ETFA: variants seen among roughly 807,000 people sequenced by gnomAD.
The protein encoded by ETFA is electron transfer flavoprotein subunit alpha, also known as electron transfer flavoprotein subunit alpha, mitochondrial.
ETFA carries 22 observed loss-of-function variants against 46.2 expected under a neutral mutation model. The observed-to-expected ratio is 0.48, with a 90% CI of 0.34 to 0.68. ETFA has a LOEUF of 0.68. Among genes scored for constraint, ETFA ranks in the 30% least tolerant of loss-of-function variants. ETFA has a pLI of 0.01. For missense variants in ETFA, 345 were observed against 401.1 expected, an observed-to-expected ratio of 0.86 and a Z score of 1.19; for synonymous variants, 131 against 139.9, an observed-to-expected ratio of 0.94 and a Z score of 0.45.
At chr15:76,270,494 C>A (rs1270609929) in intron 9 of ETFA, among the ~76,000 whole-genome samples, 1 of 152,172 alleles carries the variant, frequency 6.6e-6, no homozygotes, top group Non-Finnish European at 1.5e-5. Flanking sequence ...TAGACATACA[C>A]ATGCCCACAC....
chr15:76,253,936 T>A (rs533694242), intron 9 of ETFA, among the ~76,000 whole-genome samples: 2 of 152,282 alleles, frequency 1.3e-5, no homozygotes, highest in Non-Finnish European at 2.9e-5. Context: ...AGACCAATCC[T>A]CCTGCTGAGA....
At chr15:76,231,085 C>A (rs2039062310) in intron 10 of ETFA, 1 of 475,190 alleles carries the variant, frequency 2.1e-6, no homozygotes, top group African/African-American at 2.0e-5. Flanking sequence ...GCAGACAGCA[C>A]TCATCATGCA....
chr15:76,259,312 G>A (rs564460726), intron 9 of ETFA: 617 of 1,591,904 alleles, frequency 3.9e-4, no homozygotes, highest in Non-Finnish European at 4.9e-4. Flanking sequence ...AGTTCCATTC[G>A]CAGACAAGTA....
intron 11 of ETFA, 56 bp downstream of exon 11, chr15:76,225,793 G>T: frequency 9.3e-7 from 1 of 1,074,300 alleles, no homozygotes; most frequent in South Asian, 1.2e-5. Flanking sequence ...AACCATTTCT[G>T]AGAGTTTCTC....
intron 1 of ETFA, among the ~76,000 whole-genome samples, 199 bp from the exon 2 acceptor site, chr15:76,295,936 C>CTTTTTTTTTTTTTTTTTGTTTTTT (rs2039816987): frequency 2.1e-5 from 1 of 46,602 alleles, no homozygotes; most frequent in African/African-American, 6.7e-5. Context: ...CACTAATATT[C>CTTTTTTTTTTTTTTTTTGTTTTTT]TTTTTTTTTT....
At chr15:76,281,844 A>T (rs1362643798) in intron 8 of ETFA, among the ~76,000 whole-genome samples, 3 of 146,638 alleles carry the variant, frequency 2.0e-5, no homozygotes, top group Admixed American at 6.8e-5. Context: ...GGATCTTGAG[A>T]GGGAGTTTAT....
At position 76,283,826 on chromosome 15, in the gene ETFA, C is replaced by A; in HGVS notation, c.665-1G>T. On this transcript the variant is annotated splice_acceptor_variant, in intron 7 of 11. Transcript: ENST00000557943. LOFTEE classifies it high-confidence loss of function. ...TTCTCTCCACTCTTCAAGCCTCGAC[C>A]TCATTTAAAAAGATGAAAAAAAAAA... 6.2e-7 allele frequency: 1 copy of A among 1,608,470 alleles called. No individual in the cohort carries two copies.
intron 4 of ETFA, among the ~76,000 whole-genome samples, chr15:76,290,857 T>C (rs1013467470): frequency 9.9e-5 from 15 of 152,208 alleles, no homozygotes; most frequent in Non-Finnish European, 1.8e-4. Context: ...CTCTGCACAC[T>C]GCTGTACTAC....
chr15:76,271,180 A>C (rs1462534830), intron 9 of ETFA, among the ~76,000 whole-genome samples: 9 of 152,118 alleles, frequency 5.9e-5, no homozygotes, highest in Admixed American at 5.9e-4. Flanking sequence ...AAAAAAAAAA[A>C]AAAAAAAAAA....
At chr15:76,269,493 A>T (rs1007203546) in intron 9 of ETFA, among the ~76,000 whole-genome samples, 4 of 151,972 alleles carry the variant, frequency 2.6e-5, no homozygotes, top group Non-Finnish European at 4.4e-5. Flanking sequence ...CCACATCCTC[A>T]CCACCTGTTT....
rs371962099 is a variant in ETFA at position 76,302,621 on chromosome 15, C to G, written c.40-6884G>C. 3.5e-4 allele frequency among the ~76,000 whole-genome samples: 53 copies of G among 152,148 alleles called. 2 individuals carry two copies. The South Asian group carries it at 0.011, about 30-fold the overall frequency. On this transcript the variant is annotated intron_variant, in intron 1 of 11. Transcript: ENST00000557943. ...AGATACCTGTCATTATCCATTTGTC[C>G]AAACCCATAGAAGGTACAACACAAA...
At chr15:76,233,946 G>A (rs2039096286) in intron 9 of ETFA, among the ~76,000 whole-genome samples, 1 of 151,984 alleles carries the variant, frequency 6.6e-6, no homozygotes, top group African/African-American at 2.4e-5. Context: ...ATTCACTCTG[G>A]CAGTAAACAT....
In ETFA at chr15:76,302,786, T is replaced by C. The variant is rs368984010; in HGVS notation, c.40-7049A>G. 1.2e-3 allele frequency among the ~76,000 whole-genome samples: 177 copies of C among 152,318 alleles called. 1 individual carries two copies. Among genetic ancestry groups the C allele is most frequent in the African/African-American group, 4.1e-3 (169 of 41,564 alleles). On this transcript the variant is annotated intron_variant, in intron 1 of 11. Transcript: ENST00000557943. ...GGGTGTGTGGACCAGGAAGACTCTC[T>C]GTACTTTCCATTGGATTTTGCTGTG...
chr15:76,229,128 C>A (rs912783854), intron 10 of ETFA: 1 of 152,126 alleles, frequency 6.6e-6, no homozygotes, highest in Admixed American at 6.5e-5. Context: ...TTCAACTAAA[C>A]CAGGATTCTA....
intron 9 of ETFA, among the ~76,000 whole-genome samples, chr15:76,257,254 G>A (rs1427804553): frequency 3.3e-5 from 5 of 152,156 alleles, no homozygotes; most frequent in Admixed American, 3.3e-4. Context: ...GGACAGAAAA[G>A]GCTGTCCAGT....
chr15:76,225,284 T>G (rs1006633770), intron 11 of ETFA, among the ~76,000 whole-genome samples: 4 of 152,108 alleles, frequency 2.6e-5, no homozygotes, highest in Non-Finnish European at 4.4e-5. Context: ...ATGTGGGTTT[T>G]TTTTGTTTTG....
intron 1 of ETFA, among the ~76,000 whole-genome samples, chr15:76,301,675 A>C (rs1596227261): frequency 1.3e-5 from 2 of 151,738 alleles, no homozygotes; most frequent in East Asian, 3.9e-4. Context: ...ACACCACTGC[A>C]CTCCAGCCTA....
chr15:76,287,168 C>A (rs914319136), intron 5 of ETFA, among the ~76,000 whole-genome samples: 4 of 152,096 alleles, frequency 2.6e-5, no homozygotes, highest in South Asian at 2.1e-4. Context: ...AAATGAATTT[C>A]TTTTCTTTTT....
chr15:76,235,202 C>T (rs774351945), intron 9 of ETFA, among the ~76,000 whole-genome samples: 16 of 152,120 alleles, frequency 1.1e-4, no homozygotes, highest in Non-Finnish European at 1.9e-4. Flanking sequence ...TCAGATTTCC[C>T]AAGACACATT....
Sources: gnomAD v4.1 joint callset for allele counts (sites outside exome capture counted in the v4.1 genomes callset) on GRCh38, gnomAD v4.1.1 for gene constraint, MANE v1.5 for transcripts, NCBI Gene and HGNC (gene_info 2026-07-23, HGNC 2026-07-21) for gene names.